Variants in FEZ1 observed in about 807,000 individuals in gnomAD.
FEZ1 encodes fasciculation and elongation protein zeta-1.
FEZ1 carries 20 observed loss-of-function variants against 49.3 expected under a neutral mutation model. The ratio of observed to expected loss-of-function variants is 0.41; its 90% CI spans 0.29 to 0.59. FEZ1 has a LOEUF of 0.59. Ranked by LOEUF, FEZ1 falls within the 20% of genes least tolerant of loss-of-function variation. The pLI is 0.36. For missense variants in FEZ1, 413 were observed against 476.0 expected (o/e 0.87, Z 1.23); for synonymous variants, 170 against 180.9 (o/e 0.94, Z 0.48).
intron 2 of FEZ1, 33 bp from the exon 3 acceptor site, chr11:125,481,666 A>T: frequency 1.4e-6 from 2 of 1,448,010 alleles, no homozygotes; most frequent in South Asian, 2.3e-5. Flanking sequence ...ATTAACACAC[A>T]TCTGTGGCCT....
chr11:125,493,505 A>T, intron 1 of FEZ1, among the ~76,000 whole-genome samples: 1 of 73,276 alleles, frequency 1.4e-5, no homozygotes. Context: ...AAAGAAAGAA[A>T]GAGAGAAAGA....
chr11:125,465,706 A>G (rs1039559512), intron 3 of FEZ1, among the ~76,000 whole-genome samples: 1 of 152,050 alleles, frequency 6.6e-6, no homozygotes, highest in Non-Finnish European at 1.5e-5. Flanking sequence ...CCTTCCCTCT[A>G]TGTGCGGGTT....
intron 3 of FEZ1, among the ~76,000 whole-genome samples, chr11:125,464,852 C>A (rs764204155): frequency 2.6e-4 from 40 of 152,192 alleles, no homozygotes; most frequent in Non-Finnish European, 5.1e-4. Flanking sequence ...TCTATTTCCG[C>A]TGTCAAACCC....
At chr11:125,463,010 A>T (rs1171556406) in intron 4 of FEZ1, among the ~76,000 whole-genome samples, 2 of 146,820 alleles carry the variant, frequency 1.4e-5, no homozygotes, top group Non-Finnish European at 3.0e-5. Flanking sequence ...AAAATGAAAA[A>T]AAAAAAAGGT....
chr11:125,454,360 GC>G, intron 6 of FEZ1, 150 bp from the exon 7 acceptor site: 1 of 511,602 alleles, frequency 2.0e-6, no homozygotes, highest in Non-Finnish European at 3.4e-6. Context: ...ACAGAGACAG[GC>G]CAGAATTGAA....
Position 125,460,518 on chromosome 11 carries a change from T to C in FEZ1, c.647A>G (p.Asn216Ser). 1 of 1,614,040 alleles carries C rather than the reference T, an allele frequency of 6.2e-7. No individual in the cohort carries two copies. The highest frequency in any genetic ancestry group is 1.3e-5 in the African/African-American group (1 of 75,036). ...QEMQALTQTF[N>S]NNWSYEGLRH... ...CTCACCTTCATAGGACCAGTTGTTG[T>C]TGAAGGTCTGTGTCAATGCCTGCAT... The change falls in exon 5 of 10, where the codon AAC (asparagine) becomes AGC (serine). Residue 216 changes from asparagine (N) to serine (S), a missense_variant. Asn to Ser is a conservative substitution (Grantham distance 46). Coordinates refer to ENST00000278919, the MANE Select transcript of FEZ1 (RefSeq NM_005103.5).
At chr11:125,461,265 C>T (rs1957071864) in intron 4 of FEZ1, among the ~76,000 whole-genome samples, 1 of 152,120 alleles carries the variant, frequency 6.6e-6, no homozygotes, top group African/African-American at 2.4e-5. Context: ...TGACAGGAGC[C>T]AGCTCCCAGA....
At chr11:125,490,703 A>T (rs371618563) in intron 1 of FEZ1, among the ~76,000 whole-genome samples, 1,801 of 152,128 alleles carry the variant, frequency 0.012, 33 homozygotes, top group African/African-American at 0.032. Flanking sequence ...CTCTATTTTT[A>T]TTTTTTTAAA....
rs756025764 is a variant in FEZ1 at position 125,456,000 on chromosome 11, G to T, written c.774C>A (p.Asp258Glu). ...TCACTTCCTTCTCAAACTCCAGCTC[G>T]TCCCGGCGGGCCAGCTGCTGCACCA... ...EELVQQLARR[D>E]ELEFEKEVKN... Residue 258 changes from aspartate to glutamate, a missense_variant, in exon 6 of 10, where the codon GAC (aspartate) becomes GAA (glutamate). Asp to Glu is a conservative substitution (Grantham distance 45, BLOSUM62 2). Transcript: ENST00000278919. 1.2e-6 allele frequency: 2 copies of T among 1,613,166 alleles called. No individual in the cohort carries two copies.
Position 125,494,118 on chromosome 11 carries a change from C to T in FEZ1, c.-46+2003G>A, listed in dbSNP as rs1957434083. On this transcript the variant is annotated intron_variant, in intron 1 of 9. Transcript: ENST00000278919. ...TTTTGTCAACTCATTATCCAAGAGC[C>T]AAGAAGTGCTGCATGAATGACCATC... Among the ~76,000 whole-genome samples the T allele has an allele frequency of 2.0e-5, 3 of 152,206 alleles. No homozygotes were observed. The South Asian group carries it at 6.2e-4, about 32-fold the overall frequency.
intron 3 of FEZ1, among the ~76,000 whole-genome samples, chr11:125,466,247 G>A (rs781632096): frequency 6.6e-6 from 1 of 152,070 alleles, no homozygotes; most frequent in Non-Finnish European, 1.5e-5. Flanking sequence ...TTGGGAGGCC[G>A]AGATGAGAGG....
chr11:125,480,577 C>T (rs961066984), intron 3 of FEZ1, among the ~76,000 whole-genome samples: 11 of 152,202 alleles, frequency 7.2e-5, no homozygotes, highest in East Asian at 3.9e-4. Context: ...AAGAGAAGCC[C>T]ATGACAGTTT....
At chr11:125,482,565 A>G (rs1211211878) in intron 2 of FEZ1, among the ~76,000 whole-genome samples, 1 of 152,212 alleles carries the variant, frequency 6.6e-6, no homozygotes, top group East Asian at 1.9e-4. Context: ...AGTCACAAAC[A>G]CACATCAGGA....
At chr11:125,488,890 C>A (rs1466951275) in intron 2 of FEZ1, 7 of 985,264 alleles carry the variant, frequency 7.1e-6, no homozygotes, top group Non-Finnish European at 8.4e-6. Flanking sequence ...GCAAGTGATA[C>A]AAGGAATCTG....
chr11:125,493,353 G>GAGAGA (rs1565306618), intron 1 of FEZ1, among the ~76,000 whole-genome samples: 4 of 128,332 alleles, frequency 3.1e-5, no homozygotes, highest in South Asian at 2.6e-4. Context: ...AAGAAAGAAA[G>GAGAGA]AAAGAGAGAA....
chr11:125,460,528 G>C lies in FEZ1; in HGVS notation c.637C>G (p.Gln213Glu). The C allele has an allele frequency of 5.6e-6, 9 of 1,614,136 alleles. No homozygotes were observed. Among genetic ancestry groups the C allele is most frequent in the Non-Finnish European group, 7.6e-6 (9 of 1,180,022 alleles). The change falls in exon 5 of 10, where the codon CAG becomes GAG. Residue 213 changes from glutamine to glutamate, a missense_variant. Gln to Glu is a conservative substitution (Grantham distance 29). Transcript: ENST00000278919. ...VLLQEMQALT[Q>E]TFNNNWSYEG... is the part of the protein sequence containing the mutation. ...TAGGACCAGTTGTTGTTGAAGGTCT[G>C]TGTCAATGCCTGCATCTCCTGCAGG...
intron 3 of FEZ1, among the ~76,000 whole-genome samples, chr11:125,465,641 AAAAAT>A (rs1454384709): frequency 6.6e-6 from 1 of 152,208 alleles, no homozygotes; most frequent in African/African-American, 2.4e-5. Flanking sequence ...TCTGCCACTA[AAAAAT>A]AAAATAAAAG....
intron 3 of FEZ1, among the ~76,000 whole-genome samples, chr11:125,465,780 C>T (rs966625831): frequency 6.6e-6 from 1 of 152,204 alleles, no homozygotes; most frequent in South Asian, 2.1e-4. Flanking sequence ...CCCTCTCCAG[C>T]GTTTGATTCT....
At chr11:125,486,297 G>T (rs1957326150) in intron 2 of FEZ1, among the ~76,000 whole-genome samples, 1 of 152,196 alleles carries the variant, frequency 6.6e-6, no homozygotes, top group Non-Finnish European at 1.5e-5. Context: ...TGACGTAGGA[G>T]GTAAGCTGAG....
Sources: gnomAD v4.1 joint callset for allele counts (sites outside exome capture counted in the v4.1 genomes callset) on GRCh38, gnomAD v4.1.1 for gene constraint, MANE v1.5 for transcripts, NCBI Gene and HGNC (gene_info 2026-07-23, HGNC 2026-07-21) for gene names.